CLEC16A: variants seen among roughly 807,000 people sequenced by gnomAD.
CLEC16A encodes protein CLEC16A.
In CLEC16A, 51 loss-of-function variants were observed where a neutral mutation model predicts 109.5. The ratio of observed to expected loss-of-function variants is 0.47; its 90% CI spans 0.37 to 0.59. The LOEUF (loss-of-function observed/expected upper bound fraction) is 0.59, where lower values mean the gene tolerates loss of function less well. CLEC16A is among the 20% of genes least tolerant of loss of function. CLEC16A has a pLI of 0.00. For synonymous variants in CLEC16A, 673 were observed against 564.2 expected (o/e 1.19, Z -2.73); for missense variants, 1,339 against 1,394.0 (o/e 0.96, Z 0.63).
chr16:11,025,355 C>G (rs1448856287), intron 13 of CLEC16A, among the ~76,000 whole-genome samples: 2 of 152,190 alleles, frequency 1.3e-5, no homozygotes, highest in Non-Finnish European at 1.5e-5. Context: ...CCTGGGTGGA[C>G]TTGGTGGAAG....
chr16:11,138,126 T>C (rs1008510481), intron 22 of CLEC16A, among the ~76,000 whole-genome samples: 8 of 152,064 alleles, frequency 5.3e-5, no homozygotes, highest in African/African-American at 1.7e-4. Context: ...GGAAGTGACA[T>C]GACAAACATG....
chr16:11,023,105 T>G (rs1216467573), intron 12 of CLEC16A, among the ~76,000 whole-genome samples: 3 of 150,160 alleles, frequency 2.0e-5, no homozygotes, highest in Middle Eastern at 3.4e-3. Context: ...CCAGTTTTTT[T>G]TTTTTTTTTT....
chr16:11,058,046 CTT>C (rs1412903580), intron 18 of CLEC16A, among the ~76,000 whole-genome samples: 6 of 152,238 alleles, frequency 3.9e-5, no homozygotes, highest in African/African-American at 1.4e-4. Context: ...TTTTAGCTTT[CTT>C]TTGTGAATTT....
At chr16:10,968,045 C>G (rs894227952) in intron 3 of CLEC16A, among the ~76,000 whole-genome samples, 1 of 152,210 alleles carries the variant, frequency 6.6e-6, no homozygotes, top group Non-Finnish European at 1.5e-5. Flanking sequence ...CAAACCATGC[C>G]CCCAGCAGGT....
At chr16:10,958,118 A>G (rs1336261599) in intron 2 of CLEC16A, among the ~76,000 whole-genome samples, 6 of 152,124 alleles carry the variant, frequency 3.9e-5, no homozygotes, top group Non-Finnish European at 7.4e-5. Context: ...AGTTATGGAA[A>G]TGAGTGTCTC....
chr16:11,126,160 C>T lies in CLEC16A; in HGVS notation c.2641+14C>T. 6.2e-7 allele frequency: 1 copy of T among 1,613,732 alleles called. No homozygotes were observed. Among genetic ancestry groups the T allele is most frequent in the Non-Finnish European group, 8.5e-7 (1 of 1,179,876 alleles). The stretch of plus-strand genomic sequence containing the variant: ...ACAAGGTGCCAGGTGAGCCAGCCCC[C>T]CGCCCTGCGCCACAGCTCGTTCATC... On this transcript the variant is annotated intron_variant, in intron 22 of 23. Transcript: ENST00000409790.
chr16:11,173,991 G>A (rs985024538), intron 23 of CLEC16A, among the ~76,000 whole-genome samples: 1 of 152,104 alleles, frequency 6.6e-6, no homozygotes. Flanking sequence ...GGGGGCCAGC[G>A]CCCCATGCAC....
chr16:11,062,350 A>T (rs982452165), intron 19 of CLEC16A, among the ~76,000 whole-genome samples: 1 of 152,228 alleles, frequency 6.6e-6, no homozygotes, highest in Admixed American at 6.5e-5. Flanking sequence ...GTTAGTGTAT[A>T]ATTCAATGAG....
chr16:10,985,647 G>A (rs1183435074), intron 10 of CLEC16A, among the ~76,000 whole-genome samples: 1 of 152,012 alleles, frequency 6.6e-6, no homozygotes, highest in African/African-American at 2.4e-5. Context: ...CAGTGCTGAA[G>A]CTAGACTTGT....
intron 18 of CLEC16A, among the ~76,000 whole-genome samples, chr16:11,058,524 C>CT (rs200231041): frequency 0.21 from 30,710 of 146,756 alleles, 3,990 homozygotes; most frequent in African/African-American, 0.39. Flanking sequence ...AGATGCAACC[C>CT]TTTTTTTTTT....
chr16:11,173,572 G>T (rs967006991), intron 23 of CLEC16A, among the ~76,000 whole-genome samples: 1 of 152,050 alleles, frequency 6.6e-6, no homozygotes, highest in Non-Finnish European at 1.5e-5. Flanking sequence ...CTCGTGGAGC[G>T]CCTCGAGCAT....
chr16:11,054,879 C>G (rs1723231701), intron 18 of CLEC16A, among the ~76,000 whole-genome samples: 1 of 151,060 alleles, frequency 6.6e-6, no homozygotes, highest in Non-Finnish European at 1.5e-5. Context: ...AAGTTTTTTG[C>G]TTGTATCCAA....
At chr16:11,029,548 G>A (rs544039725) in intron 13 of CLEC16A, among the ~76,000 whole-genome samples, 6 of 152,066 alleles carry the variant, frequency 3.9e-5, no homozygotes, top group Non-Finnish European at 8.8e-5. Flanking sequence ...CAGCAAGCTG[G>A]AGCAATCACT....
chr16:11,045,598 C>T (rs1453565939), intron 16 of CLEC16A, among the ~76,000 whole-genome samples: 1 of 152,110 alleles, frequency 6.6e-6, no homozygotes, highest in African/African-American at 2.4e-5. Flanking sequence ...CCTCATGTGT[C>T]TTTCAGGGAA....
intron 19 of CLEC16A, among the ~76,000 whole-genome samples, chr16:11,117,882 A>G (rs538008394): frequency 6.2e-4 from 95 of 152,372 alleles, no homozygotes; most frequent in African/African-American, 2.2e-3. Context: ...GCGGTAGACC[A>G]TAGATCTAAT....
chr16:11,161,515 T>A (rs566303088), intron 22 of CLEC16A, among the ~76,000 whole-genome samples: 29 of 152,198 alleles, frequency 1.9e-4, no homozygotes, highest in Admixed American at 5.2e-4. Flanking sequence ...CAGATCGCCA[T>A]ATTTCCACAT....
intron 7 of CLEC16A, 97 bp downstream of exon 7, chr16:10,973,158 C>T: frequency 7.3e-7 from 1 of 1,371,916 alleles, no homozygotes. Flanking sequence ...AACCGCACTT[C>T]CCTACCTCTG....
intron 18 of CLEC16A, among the ~76,000 whole-genome samples, chr16:11,057,678 A>G (rs2048278932): frequency 6.6e-6 from 1 of 152,230 alleles, no homozygotes; most frequent in African/African-American, 2.4e-5. Context: ...ATCTGAAAGA[A>G]TAATAATTTA....
At chr16:11,165,934 G>A (rs181304356) in intron 22 of CLEC16A, among the ~76,000 whole-genome samples, 3 of 152,318 alleles carry the variant, frequency 2.0e-5, no homozygotes, top group Admixed American at 1.3e-4. Context: ...CTGCCCGGGT[G>A]TGACTTCAGA....
Sources: gnomAD v4.1 joint callset for allele counts (sites outside exome capture counted in the v4.1 genomes callset) on GRCh38, gnomAD v4.1.1 for gene constraint, MANE v1.5 for transcripts, NCBI Gene and HGNC (gene_info 2026-07-23, HGNC 2026-07-21) for gene names.